Variants in BABAM2 observed in about 807,000 individuals in gnomAD.
The protein encoded by BABAM2 is BRISC and BRCA1 A complex member 2, also known as BRISC and BRCA1-A complex member 2.
In BABAM2, 31 loss-of-function variants were observed where a neutral mutation model predicts 54.7. That is an observed-to-expected ratio of 0.57 (90% confidence interval 0.43 to 0.77). The LOEUF (loss-of-function observed/expected upper bound fraction) is 0.77. BABAM2 is among the 30% of genes least tolerant of loss of function. The probability of loss-of-function intolerance (pLI) is 0.00; values close to 1 mark genes in which losing one functional copy is unlikely to be tolerated. For synonymous variants in BABAM2, 167 were observed against 162.9 expected, an observed-to-expected ratio of 1.03 and a Z score of -0.19; for missense variants, 364 against 455.8, an observed-to-expected ratio of 0.80 and a Z score of 1.83.
intron 4 of BABAM2, among the ~76,000 whole-genome samples, chr2:28,018,137 C>G (rs1558660219): frequency 6.6e-6 from 1 of 152,206 alleles, no homozygotes; most frequent in Non-Finnish European, 1.5e-5. Context: ...TTATTTCTTG[C>G]TATCCTCACC....
chr2:28,260,791 A>G (rs1465864464), intron 10 of BABAM2, among the ~76,000 whole-genome samples: 1 of 152,076 alleles, frequency 6.6e-6, no homozygotes, highest in Non-Finnish European at 1.5e-5. Flanking sequence ...TGAACATGGT[A>G]TATGTTTTCA....
At chr2:27,929,316 C>G (rs1040436398) in intron 2 of BABAM2, among the ~76,000 whole-genome samples, 2 of 152,152 alleles carry the variant, frequency 1.3e-5, no homozygotes, top group Non-Finnish European at 2.9e-5. Flanking sequence ...ATGCATTGTG[C>G]TTTCCTGCAG....
At chr2:28,246,778 A>G (rs532695368) in intron 10 of BABAM2, among the ~76,000 whole-genome samples, 1 of 152,340 alleles carries the variant, frequency 6.6e-6, no homozygotes, top group Admixed American at 6.5e-5. Flanking sequence ...CATGCAACTC[A>G]AAGATGACTA....
At chr2:28,095,672 G>C (rs1169869947) in intron 6 of BABAM2, among the ~76,000 whole-genome samples, 1 of 152,070 alleles carries the variant, frequency 6.6e-6, no homozygotes, top group Non-Finnish European at 1.5e-5. Context: ...GGGTATTTAG[G>C]GTTCTTATGA....
At chr2:28,076,811 A>G (rs1416249178) in intron 6 of BABAM2, among the ~76,000 whole-genome samples, 1 of 152,062 alleles carries the variant, frequency 6.6e-6, no homozygotes, top group Non-Finnish European at 1.5e-5. Context: ...CCCATTGAAC[A>G]TTTTTAATAG....
intron 3 of BABAM2, 195 bp downstream of exon 3, chr2:27,930,103 G>T (rs1461096780): frequency 3.5e-5 from 18 of 521,374 alleles, no homozygotes; most frequent in Non-Finnish European, 6.1e-5. Context: ...ATACGTTGTG[G>T]TTAAATAGGC....
intron 6 of BABAM2, among the ~76,000 whole-genome samples, chr2:28,094,290 C>T (rs947234831): frequency 3.9e-5 from 6 of 151,934 alleles, no homozygotes; most frequent in Non-Finnish European, 5.9e-5. Context: ...TGGTCTTGTT[C>T]GTGGCTGTGT....
chr2:28,217,845 G>A (rs1420372105), intron 7 of BABAM2, among the ~76,000 whole-genome samples: 1 of 151,994 alleles, frequency 6.6e-6, no homozygotes. Flanking sequence ...AAATCACCTA[G>A]CCAGTTACAG....
At chr2:28,192,775 G>A (rs1201816283) in intron 7 of BABAM2, among the ~76,000 whole-genome samples, 2 of 151,898 alleles carry the variant, frequency 1.3e-5, no homozygotes, top group African/African-American at 2.4e-5. Context: ...GCCCACCTGG[G>A]CCTCCCAAAG....
intron 3 of BABAM2, among the ~76,000 whole-genome samples, chr2:27,963,698 T>G (rs1368422515): frequency 6.6e-6 from 1 of 152,158 alleles, no homozygotes; most frequent in Non-Finnish European, 1.5e-5. Flanking sequence ...CTCTGATGTC[T>G]TTCTAGATGT....
chr2:27,994,874 A>G (rs1206353934), intron 4 of BABAM2, among the ~76,000 whole-genome samples: 3 of 152,170 alleles, frequency 2.0e-5, no homozygotes, highest in African/African-American at 4.8e-5. Context: ...AGGTTTCTCA[A>G]CTTTATTAGT....
At chr2:28,228,717 A>T (rs1021908074) in intron 7 of BABAM2, among the ~76,000 whole-genome samples, 2 of 152,166 alleles carry the variant, frequency 1.3e-5, no homozygotes, top group Non-Finnish European at 2.9e-5. Flanking sequence ...GGGCATCATT[A>T]CAAGTAGTTC....
At chr2:28,090,788 G>A (rs962929013) in intron 6 of BABAM2, among the ~76,000 whole-genome samples, 4 of 152,108 alleles carry the variant, frequency 2.6e-5, no homozygotes. Flanking sequence ...GCGTTATTTT[G>A]TTCTCTGCTT....
In BABAM2 at chr2:28,041,663, C is replaced by T. The variant is rs140316003; in HGVS notation, c.496-4062C>T. ...AACACAGGCACACGCCTGCATCAAC[C>T]CTTTTTATACTTGTTCTCTGGGGTG... is the stretch of plus-strand genomic sequence containing the variant. On this transcript the variant is annotated intron_variant, in intron 5 of 11. Coordinates refer to ENST00000379624, the MANE Select transcript of BABAM2 (RefSeq NM_199191.3). 2.2e-3 allele frequency among the ~76,000 whole-genome samples: 338 copies of T among 152,228 alleles called. 1 individual carries two copies. The highest frequency in any genetic ancestry group is 7.7e-3 in the African/African-American group (318 of 41,542).
chr2:27,893,746 A>T (rs530533455), intron 1 of BABAM2, among the ~76,000 whole-genome samples: 1 of 152,298 alleles, frequency 6.6e-6, no homozygotes, highest in South Asian at 2.1e-4. Flanking sequence ...CTGTAATCCC[A>T]GCACTTTGGG....
At chr2:28,019,870 A>G (rs1187380309) in intron 4 of BABAM2, among the ~76,000 whole-genome samples, 1 of 152,186 alleles carries the variant, frequency 6.6e-6, no homozygotes, top group African/African-American at 2.4e-5. Flanking sequence ...TTTTTATACC[A>G]GTAACGTGCT....
chr2:28,026,895 TAAA>T lies in BABAM2; in HGVS notation c.495+1476_495+1478del, dbSNP rs1558667570. Among the ~76,000 whole-genome samples, 8 of 29,266 alleles carry T rather than the reference TAAA, an allele frequency of 2.7e-4. No individual in the cohort carries two copies. In the East Asian group the frequency reaches 4.5e-3, roughly 17 times the overall value. 19.2% of individuals were successfully genotyped at this position (29,266 alleles called of 152,430 possible). A position where few individuals can be genotyped will look rare whatever the true frequency, so the allele number is the denominator to read the frequency against. On this transcript the variant is annotated intron_variant, in intron 5 of 11. Transcript: ENST00000379624. ...ATATTTATATATATATAGATATATA[TAAA>T]TATATATAAATATATATTAATATAT...
intron 3 of BABAM2, among the ~76,000 whole-genome samples, chr2:27,983,563 AC>A (rs760694378): frequency 1.3e-5 from 2 of 152,108 alleles, no homozygotes; most frequent in Non-Finnish European, 1.5e-5. Flanking sequence ...TGCCATTTTA[AC>A]AATAGTAAGT....
chr2:28,099,628 A>C (rs1440249004), intron 6 of BABAM2, among the ~76,000 whole-genome samples: 1 of 152,218 alleles, frequency 6.6e-6, no homozygotes, highest in African/African-American at 2.4e-5. Context: ...TACTCATAAA[A>C]AATCATTGTG....
Sources: allele counts gnomAD v4.1 joint callset (sites outside exome capture counted in the v4.1 genomes callset), GRCh38; gene constraint gnomAD v4.1.1; transcripts MANE v1.5; gene names NCBI Gene and HGNC (gene_info 2026-07-23, HGNC 2026-07-21).